The following SYT14 variants were observed in gnomAD, a reference collection of about 807,000 sequenced individuals.
SYT14 encodes synaptotagmin 14.
In SYT14, 32 loss-of-function variants were observed where a neutral mutation model predicts 74.2. That is an observed-to-expected ratio of 0.43 (90% CI 0.33 to 0.58). The LOEUF (loss-of-function observed/expected upper bound fraction) is 0.58, where lower values mean the gene tolerates loss of function less well. Ranked by LOEUF, SYT14 falls within the 20% of genes least tolerant of loss-of-function variation. SYT14 has a pLI of 0.05. For missense variants in SYT14, 791 were observed against 981.8 expected (o/e 0.81, Z 2.60); for synonymous variants, 298 against 337.7 (o/e 0.88, Z 1.29).
At chr1:209,999,422 G>A (rs547923746) in intron 2 of SYT14, among the ~76,000 whole-genome samples, 49 of 152,132 alleles carry the variant, frequency 3.2e-4, no homozygotes, top group African/African-American at 1.1e-3. Flanking sequence ...TGAGGGTGAA[G>A]AAATTAGTTT....
chr1:210,150,749 A>G (rs2102698538), intron 7 of SYT14, among the ~76,000 whole-genome samples: 2 of 152,370 alleles, frequency 1.3e-5, no homozygotes, highest in Middle Eastern at 6.8e-3. Flanking sequence ...AGATAATTCA[A>G]TTATAGTAAT....
chr1:210,015,349 C>T (rs4387180), intron 3 of SYT14, among the ~76,000 whole-genome samples: 59 of 152,090 alleles, frequency 3.9e-4, no homozygotes, highest in Admixed American at 6.6e-4. Flanking sequence ...TTGAAAATGT[C>T]TCAGGGAACT....
intron 7 of SYT14, among the ~76,000 whole-genome samples, chr1:210,105,995 A>G (rs535242426): frequency 1.8e-4 from 27 of 152,316 alleles, no homozygotes; most frequent in Non-Finnish European, 3.1e-4. Flanking sequence ...CTGTGAGCCA[A>G]TTAAACGTCT....
At chr1:210,030,130 T>A (rs2080498817) in intron 5 of SYT14, among the ~76,000 whole-genome samples, 1 of 150,802 alleles carries the variant, frequency 6.6e-6, no homozygotes, top group Admixed American at 6.6e-5. Context: ...TGTTTATTAG[T>A]TTTTTTTGTT....
chr1:210,099,959 C>G, intron 6 of SYT14, 53 bp from the exon 6 acceptor site: 6 of 1,470,004 alleles, frequency 4.1e-6, no homozygotes, highest in Non-Finnish European at 5.6e-6. Context: ...TATTTACATG[C>G]TAGGTTAAAT....
chr1:210,141,423 T>G (rs1173658059), intron 7 of SYT14, among the ~76,000 whole-genome samples: 1 of 152,188 alleles, frequency 6.6e-6, no homozygotes, highest in Admixed American at 6.5e-5. Flanking sequence ...TTAGTTCTAG[T>G]AGTTATTTTC....
At chr1:209,951,366 A>G (rs114715384) in intron 1 of SYT14, among the ~76,000 whole-genome samples, 2,108 of 152,274 alleles carry the variant, frequency 0.014, 25 homozygotes, top group Middle Eastern at 0.024. Flanking sequence ...GATTCCACAT[A>G]CAAGTGAGAT....
At chr1:210,097,726 C>T (rs186971095) in intron 6 of SYT14, among the ~76,000 whole-genome samples, 9 of 152,172 alleles carry the variant, frequency 5.9e-5, no homozygotes, top group South Asian at 2.1e-4. Flanking sequence ...TGCTCTAAAC[C>T]GTAAATTTTT....
intron 6 of SYT14, 83 bp from the exon 6 acceptor site, chr1:210,099,929 C>A: frequency 7.6e-7 from 1 of 1,310,862 alleles, no homozygotes. Context: ...TTCACATCTT[C>A]TAAAGAAATA....
intron 7 of SYT14, among the ~76,000 whole-genome samples, chr1:210,105,572 G>T (rs1482047879): frequency 6.6e-6 from 1 of 152,172 alleles, no homozygotes; most frequent in African/African-American, 2.4e-5. Context: ...TACCCTGGCT[G>T]ATAAAACATT....
intron 6 of SYT14, among the ~76,000 whole-genome samples, chr1:210,097,268 G>A (rs1435579960): frequency 2.0e-5 from 3 of 152,098 alleles, no homozygotes; most frequent in Non-Finnish European, 2.9e-5. Context: ...AGCTATCTTA[G>A]AGCCTATCTA....
intron 7 of SYT14, among the ~76,000 whole-genome samples, chr1:210,147,291 G>A (rs1430197008): frequency 6.6e-6 from 1 of 152,100 alleles, no homozygotes; most frequent in African/African-American, 2.4e-5. Context: ...AAGTTTTGGA[G>A]AGTGGAATAA....
At chr1:209,942,467 C>T (rs930497210) in intron 1 of SYT14, among the ~76,000 whole-genome samples, 7 of 149,876 alleles carry the variant, frequency 4.7e-5, no homozygotes, top group Admixed American at 1.3e-4. Context: ...TTATAGTTCA[C>T]CTCCCACATC....
At chr1:209,978,058 A>G (rs181418803) in intron 2 of SYT14, among the ~76,000 whole-genome samples, 345 of 152,266 alleles carry the variant, frequency 2.3e-3, no homozygotes, top group African/African-American at 7.6e-3. Flanking sequence ...CAGCTCCATC[A>G]GGTCCTTTAA....
At chr1:210,004,909 C>T (rs1414362262) in intron 2 of SYT14, among the ~76,000 whole-genome samples, 4 of 151,896 alleles carry the variant, frequency 2.6e-5, no homozygotes, top group African/African-American at 9.7e-5. Context: ...AATGGAGCTA[C>T]ACATTTTTTA....
In SYT14 at chr1:210,130,921, G is replaced by A. The variant is rs143108525; in HGVS notation, c.2035-24800G>A. Among the ~76,000 whole-genome samples, 42 of 152,088 alleles carry A rather than the reference G, an allele frequency of 2.8e-4. No individual in the cohort carries two copies. In the East Asian group the frequency reaches 7.3e-3, roughly 27 times the overall value. On this transcript the variant is annotated intron_variant, in intron 7 of 9. Transcript: ENST00000637265. Reference sequence around the variant, plus strand: ...ATCATATTTTGCCATTATATTTGTCGGTAACTTATTCATAACATTTGAAAT... The same window carrying A: ...ATCATATTTTGCCATTATATTTGTCAGTAACTTATTCATAACATTTGAAAT...
intron 2 of SYT14, among the ~76,000 whole-genome samples, chr1:209,981,514 C>T (rs761079642): frequency 1.3e-4 from 17 of 129,838 alleles, no homozygotes; most frequent in African/African-American, 4.7e-4. Context: ...AGCAGTGTTG[C>T]AATTGTAGCT....
At position 210,153,713 on chromosome 1, in the gene SYT14, A is replaced by C. The variant is rs143307391; in HGVS notation, c.2035-2008A>C. 4.1e-3 allele frequency among the ~76,000 whole-genome samples: 618 copies of C among 152,318 alleles called. 4 individuals are homozygous for C. The highest frequency in any genetic ancestry group is 0.014 in the African/African-American group (569 of 41,584). ...TTTTAAAAAAATCTAGTCCCCTTCCAAATCATTATACTTTTTATTTCATTT... is the reference window on the plus strand; with the variant it reads ...TTTTAAAAAAATCTAGTCCCCTTCCCAATCATTATACTTTTTATTTCATTT... On this transcript the variant is annotated intron_variant, in intron 7 of 9. Coordinates refer to ENST00000637265, the Ensembl canonical transcript of SYT14.
intron 5 of SYT14, among the ~76,000 whole-genome samples, chr1:210,060,999 A>G (rs1396179089): frequency 6.6e-6 from 1 of 151,986 alleles, no homozygotes; most frequent in African/African-American, 2.4e-5. Flanking sequence ...AAGAAAACTG[A>G]AAAGATATGT....
Sources: gnomAD v4.1 joint callset for allele counts (sites outside exome capture counted in the v4.1 genomes callset) on GRCh38, gnomAD v4.1.1 for gene constraint, MANE v1.5 for transcripts, NCBI Gene and HGNC (gene_info 2026-07-23, HGNC 2026-07-21) for gene names.